The following PER3 variants were observed in gnomAD, a reference collection of about 807,000 sequenced individuals.
PER3 encodes the protein period circadian protein homolog 3.
PER3 carries 107 observed loss-of-function variants against 127.2 expected under a neutral mutation model. That is an observed-to-expected ratio of 0.84 (90% CI 0.72 to 0.99). The LOEUF (loss-of-function observed/expected upper bound fraction) is 0.99. Ranked by LOEUF, PER3 falls within the 50% of genes least tolerant of loss-of-function variation. The pLI is 0.00. For synonymous variants in PER3, 618 were observed against 585.8 expected (o/e 1.05, Z -0.79); for missense variants, 1,560 against 1,525.8 (o/e 1.02, Z -0.37).
Position 7,827,782 on chromosome 1 carries a change from G to A in PER3, c.2853G>A (p.Gln951=), listed in dbSNP as rs1196394639. 2.5e-6 allele frequency: 4 copies of A among 1,613,570 alleles called. No individual in the cohort carries two copies. The highest frequency in any genetic ancestry group is 1.3e-5 in the African/African-American group (1 of 74,930). Residue 951 remains glutamine, a synonymous_variant, in exon 18 of 22, where the codon CAG becomes CAA. Transcript: ENST00000377532. The stretch of plus-strand genomic sequence containing the variant: ...CCAGACCCTCTGAATCTCCAGATCA[G>A]ATGAGAAGGAACACGTGCCCACAAA... ...EMPRPSESPD[Q]MRRNTCPQTE...
chr1:7,819,391 A>G lies in PER3; in HGVS notation c.1629A>G (p.Gln543=), dbSNP rs754230207. The G allele has an allele frequency of 5.0e-6, 8 of 1,614,088 alleles. No homozygotes were observed. Among genetic ancestry groups the G allele is most frequent in the Middle Eastern group, 1.6e-4 (1 of 6,062 alleles). Residue 543 remains glutamine (Q), a synonymous_variant, in exon 14 of 22, where the codon CAA becomes CAG. Transcript: ENST00000377532. ...LRNDEHSPSY[Q]QINCIDSVIR... ...ACGATGAGCACAGCCCATCCTATCA[A>G]CAGATCAACTGTATCGACAGTGTCA...
At position 7,843,158 on chromosome 1, in the gene PER3, G is replaced by C. The variant is rs1056997749; in HGVS notation, c.*403G>C. 1.9e-5 allele frequency: 3 copies of C among 154,700 alleles called. No individual in the cohort carries two copies. Among genetic ancestry groups the C allele is most frequent in the African/African-American group, 7.2e-5 (3 of 41,468 alleles). 9.6% of individuals were successfully genotyped at this position (154,700 alleles called of 1,614,324 possible). ...TTCCCCTTAGAGTGCTTGAAGAAAT[G>C]CCACCTACAGGTTGTGTACTTTTCA... On this transcript the variant is annotated 3_prime_UTR_variant, in exon 22 of 22. Coordinates refer to ENST00000377532, the MANE Select transcript of PER3 (RefSeq NM_001377275.1).
chr1:7,818,936 A>C (rs2097263611), intron 13 of PER3, among the ~76,000 whole-genome samples: 1 of 152,242 alleles, frequency 6.6e-6, no homozygotes, highest in South Asian at 2.1e-4. Context: ...AGGGTTGATC[A>C]GTTGTACAGG....
chr1:7,810,197 G>A (rs971674450), intron 12 of PER3, 176 bp downstream of exon 12: 4 of 681,716 alleles, frequency 5.9e-6, no homozygotes, highest in Non-Finnish European at 1.0e-5. Context: ...TATCACCTTT[G>A]GAAAGTGATA....
At position 7,784,320 on chromosome 1, in the gene PER3, G is replaced by C. The variant is rs2097073046; in HGVS notation, c.-281G>C. On this transcript the variant is annotated 5_prime_UTR_variant, in exon 1 of 22. Transcript: ENST00000377532. The stretch of plus-strand genomic sequence containing the variant: ...GGCACGCGGCGAGCCTCGAGACTGC[G>C]CGAGGGCGGCCCCGGGGGCGAGCGG... The C allele has an allele frequency of 6.7e-6, 1 of 150,042 alleles. No individual in the cohort carries two copies. The highest frequency in any genetic ancestry group is 1.5e-5 in the Non-Finnish European group (1 of 67,244). The allele number at this position is 150,042 out of a possible 1,614,324, so 9.3% of individuals were successfully genotyped here. A position where few individuals can be genotyped will look rare whatever the true frequency, so the allele number is the denominator to read the frequency against.
intron 13 of PER3, among the ~76,000 whole-genome samples, chr1:7,816,175 GAAC>G (rs1402013540): frequency 8.6e-5 from 13 of 151,536 alleles, no homozygotes; most frequent in Admixed American, 8.6e-4. Context: ...AGAGAAAAAA[GAAC>G]AAATTGTTTC....
intron 16 of PER3, among the ~76,000 whole-genome samples, chr1:7,825,245 A>G (rs1031723373): frequency 2.0e-5 from 3 of 152,180 alleles, no homozygotes; most frequent in African/African-American, 4.8e-5. Context: ...GTCCACCACA[A>G]AATCTTTTGT....
intron 18 of PER3, among the ~76,000 whole-genome samples, chr1:7,828,578 G>C (rs538899625): frequency 6.6e-6 from 1 of 152,248 alleles, no homozygotes; most frequent in Admixed American, 6.5e-5. Context: ...AAGAAAATAT[G>C]CTCACTTTTG....
At position 7,794,047 on chromosome 1, in the gene PER3, T is replaced by C. The variant is rs1019390029; in HGVS notation, c.644+39T>C. ...CTCGTGGAAGCCAGCAACAGTGGAT[T>C]ATGTTCTGAGTTTATTTTGCAGTTG... On this transcript the variant is annotated intron_variant, in intron 6 of 21. Transcript: ENST00000377532. 5 of 1,534,842 alleles carry C rather than the reference T, an allele frequency of 3.3e-6. No individual in the cohort carries two copies. The African/African-American group carries it at 6.8e-5, about 21-fold the overall frequency.
At chr1:7,832,775 AT>A (rs555582437) in intron 19 of PER3, among the ~76,000 whole-genome samples, 11 of 147,338 alleles carry the variant, frequency 7.5e-5, no homozygotes, top group East Asian at 2.0e-4. Flanking sequence ...TTGAATTGAG[AT>A]TTTTCCCCCC....
At position 7,829,873 on chromosome 1, in the gene PER3, G is replaced by A. The variant is rs748933544; in HGVS notation, c.2926G>A (p.Ala976Thr). The A allele has an allele frequency of 3.3e-5, 53 of 1,614,084 alleles. 1 individual carries two copies. The South Asian group carries it at 5.2e-4, about 16-fold the overall frequency. ...CAACAATGGCAGTGAGAGCAGTCCT[G>A]CTACTACCGGTGCACTGTCCACGGG... ...TGNNGSESSP[A>T]TTGALSTGSP... Residue 976 changes from alanine (A) to threonine (T), a missense_variant, in exon 19 of 22, where the codon GCT becomes ACT. Physicochemically the swap from Ala to Thr is moderately conservative, Grantham distance 58. Transcript: ENST00000377532.
At chr1:7,804,699 G>T (rs893279685) in intron 10 of PER3, among the ~76,000 whole-genome samples, 1 of 151,526 alleles carries the variant, frequency 6.6e-6, no homozygotes, top group African/African-American at 2.4e-5. Context: ...ACTGCGCCCG[G>T]ACTGTGTCCA....
Position 7,803,823 on chromosome 1 carries a change from A to G in PER3, c.1111A>G (p.Ile371Val), listed in dbSNP as rs1479459248. The stretch of plus-strand genomic sequence containing the variant: ...TCCCTGGAGCCGGAAGATTTCTTTC[A>G]TCATTGGTCGGCATAAAGTTCGAAC... ...VNPWSRKISF[I>V]IGRHKVRTSP... The change falls in exon 10 of 22, where the codon ATC becomes GTC. Residue 371 changes from isoleucine to valine, a missense_variant. This residue lies in a region of PER3 where 1,332 missense variants were observed against 1,223.6 expected (regional missense o/e 1.09). Coordinates refer to ENST00000377532, the MANE Select transcript of PER3 (RefSeq NM_001377275.1). 2.5e-6 allele frequency: 4 copies of G among 1,613,774 alleles called. No individual in the cohort carries two copies. Among genetic ancestry groups the G allele is most frequent in the African/African-American group, 1.3e-5 (1 of 74,916 alleles).
chr1:7,829,360 G>A (rs748925151), intron 18 of PER3, among the ~76,000 whole-genome samples: 5 of 152,180 alleles, frequency 3.3e-5, no homozygotes, highest in African/African-American at 1.2e-4. Flanking sequence ...GCCTAAAATT[G>A]TAGCACTCTC....
chr1:7,816,359 G>C (rs181074819), intron 13 of PER3, among the ~76,000 whole-genome samples: 25 of 152,188 alleles, frequency 1.6e-4, no homozygotes, highest in African/African-American at 6.0e-4. Context: ...TCTCCTTTTT[G>C]AAAGAGACTG....
In PER3 at chr1:7,827,121, A is replaced by G. The variant is rs571672313; in HGVS notation, c.2192A>G (p.Asp731Gly). The stretch of plus-strand genomic sequence containing the variant: ...GCCTCTACCTTTATCCTTCCAGGAG[A>G]TTCTACTTCCAAGCAGACGCGGTCG... Reference protein sequence around the residue: ...SKAKYSYFQGDSTSKQTRSAG... With the variant: ...SKAKYSYFQGGSTSKQTRSAG... The change falls in exon 18 of 22, where the codon GAT (aspartate) becomes GGT (glycine). Residue 731 changes from aspartate (D) to glycine (G), a missense_variant. Physicochemically the swap from Asp to Gly is moderately conservative, Grantham distance 94. This residue lies in a region of PER3 where 1,332 missense variants were observed against 1,223.6 expected (regional missense o/e 1.09). Coordinates refer to ENST00000377532, the MANE Select transcript of PER3 (RefSeq NM_001377275.1). The G allele has an allele frequency of 4.2e-5, 67 of 1,585,400 alleles. No homozygotes were observed. The South Asian group carries it at 7.2e-4, about 17-fold the overall frequency.
In PER3 at chr1:7,833,877, T is replaced by G. The variant is rs561167446; in HGVS notation, c.3215-1885T>G. Among the ~76,000 whole-genome samples, 3 of 152,236 alleles carry G rather than the reference T, an allele frequency of 2.0e-5. No individual in the cohort carries two copies. In the South Asian group the frequency reaches 6.2e-4, roughly 32 times the overall value. On this transcript the variant is annotated intron_variant, in intron 19 of 21. Transcript: ENST00000377532. ...GTGTATTGGCTTCTAAGCATAACTT[T>G]TTTTTTGTTTTTGCTCTAGGATTAA...
chr1:7,835,668 G>C (rs1257115759), intron 19 of PER3, 94 bp from the exon 20 acceptor site: 2 of 831,154 alleles, frequency 2.4e-6, no homozygotes, highest in Non-Finnish European at 2.0e-6. Flanking sequence ...CTGAGGAGGA[G>C]GACTGTCCGA....
intron 13 of PER3, among the ~76,000 whole-genome samples, chr1:7,817,749 C>T (rs2097258261): frequency 6.6e-6 from 1 of 152,062 alleles, no homozygotes; most frequent in Admixed American, 6.5e-5. Flanking sequence ...AAGAATAAAA[C>T]AGATGGTTCA....
Sources: allele counts gnomAD v4.1 joint callset (sites outside exome capture counted in the v4.1 genomes callset), GRCh38; gene constraint gnomAD v4.1.1; regional missense constraint gnomAD v4.1.1; transcripts MANE v1.5; gene names NCBI Gene and HGNC (gene_info 2026-07-23, HGNC 2026-07-21).